The following MDFI variants were observed in gnomAD, a reference collection of about 807,000 sequenced individuals.
MDFI encodes inhibitor of MyoD family a.
MDFI carries 16 observed loss-of-function variants against 22.3 expected under a neutral mutation model. The ratio of observed to expected loss-of-function variants is 0.72; its 90% CI spans 0.49 to 1.09. The LOEUF (loss-of-function observed/expected upper bound fraction) is 1.09. Ranked by LOEUF, MDFI falls within the 50% of genes least tolerant of loss-of-function variation. The pLI is 0.00. For synonymous variants in MDFI, 145 were observed against 142.7 expected (o/e 1.02, Z -0.12); for missense variants, 314 against 326.1 (o/e 0.96, Z 0.29).
intron 2 of MDFI, among the ~76,000 whole-genome samples, chr6:41,644,202 T>A (rs752793814): frequency 7.2e-5 from 11 of 152,128 alleles, no homozygotes; most frequent in Non-Finnish European, 1.6e-4. Context: ...CTATTTGATT[T>A]CCCAATGATT....
chr6:41,653,976 T>C lies in MDFI; in HGVS notation c.*401T>C. ...GCTCTCTACCTCTCCCTGCTCCTGGTGCCTGCCTCTCTCCTCCACCCCAGG... is the reference window on the plus strand; with the variant it reads ...GCTCTCTACCTCTCCCTGCTCCTGGCGCCTGCCTCTCTCCTCCACCCCAGG... On this transcript the variant is annotated 3_prime_UTR_variant, in exon 5 of 5. Transcript: ENST00000230321. The surrounding 1 kb of genome is among the most constrained non-coding windows in gnomAD (Gnocchi z 4.2). 1 of 254,300 alleles carries C rather than the reference T, an allele frequency of 3.9e-6. No homozygotes were observed. Among genetic ancestry groups the C allele is most frequent in the South Asian group, 6.4e-5 (1 of 15,618 alleles). 15.8% of individuals were successfully genotyped at this position (254,300 alleles called of 1,614,324 possible).
chr6:41,646,139 C>G lies in MDFI; in HGVS notation c.90C>G (p.Ser30=), dbSNP rs1301602418. Residue 30 remains serine (S), a synonymous_variant, in exon 3 of 5, where the codon TCC becomes TCG. Coordinates refer to ENST00000230321, the MANE Select transcript of MDFI (RefSeq NM_005586.4). ...CTTTTTTCCTAGCCCAGACCCTATC[C>G]CTCCTTCCTGGGCTGGAGGTAGTAA... ...SAAPGPAQTL[S]LLPGLEVVTG... is the part of the protein sequence containing the mutation. The G allele has an allele frequency of 1.3e-6, 2 of 1,531,112 alleles. No homozygotes were observed. Among genetic ancestry groups the G allele is most frequent in the Admixed American group, 4.3e-5 (2 of 46,478 alleles). The allele number at this position is 1,531,112 out of a possible 1,614,324, so 94.8% of individuals were successfully genotyped here.
chr6:41,640,950 A>G (rs1767832518), intron 2 of MDFI, among the ~76,000 whole-genome samples: 1 of 152,204 alleles, frequency 6.6e-6, no homozygotes, highest in African/African-American at 2.4e-5. Context: ...GAACCTTCAG[A>G]CCTAAAATAA....
Position 41,638,677 on chromosome 6 carries a change from T to G in MDFI, c.-12+25T>G. On this transcript the variant is annotated intron_variant, in intron 1 of 4. Transcript: ENST00000230321. This position sits in a 1 kb window ranked among gnomAD's most constrained non-coding sequence, Gnocchi z 7.6. ...AGTGAGTGGACGTGGGAGGCGCGCA[T>G]CTGCGGGGGAATCGCCCCTTGCCCG... 1 of 1,467,030 alleles carries G rather than the reference T, an allele frequency of 6.8e-7. No individual in the cohort carries two copies. The highest frequency in any genetic ancestry group is 9.2e-7 in the Non-Finnish European group (1 of 1,085,170). The allele number at this position is 1,467,030 out of a possible 1,614,324, so 90.9% of individuals were successfully genotyped here. A position where few individuals can be genotyped will look rare whatever the true frequency, so the allele number is the denominator to read the frequency against.
upstream of MDFI, among the ~76,000 whole-genome samples, chr6:41,637,625 C>T (rs1767684958): frequency 6.6e-6 from 1 of 152,100 alleles, no homozygotes; most frequent in African/African-American, 2.4e-5. The surrounding 1 kb of genome is among the most constrained non-coding windows in gnomAD (Gnocchi z 6.8). Context: ...GCCCCTGAAC[C>T]CTCTTGGACT....
rs1768048201 is a variant in MDFI at position 41,646,243 on chromosome 6, A to G, written c.194A>G (p.Asn65Ser). 2.5e-6 allele frequency: 4 copies of G among 1,582,926 alleles called. No individual in the cohort carries two copies. Among genetic ancestry groups the G allele is most frequent in the South Asian group, 1.2e-5 (1 of 86,450 alleles). ...EEAATPMPQG[N>S]GPGIPQGLDS... Reference sequence around the variant, plus strand: ...GCGGCAACCCCCATGCCCCAAGGCAATGGCCCTGGCATCCCCCAGGGCCTG... The same window carrying G: ...GCGGCAACCCCCATGCCCCAAGGCAGTGGCCCTGGCATCCCCCAGGGCCTG... Residue 65 changes from asparagine to serine, a missense_variant, in exon 3 of 5, where the codon AAT (asparagine) becomes AGT (serine). Coordinates refer to ENST00000230321, the MANE Select transcript of MDFI (RefSeq NM_005586.4).
rs766970297 is a variant in MDFI at position 41,649,684 on chromosome 6, G to T, written c.325G>T (p.Glu109Ter). ...LLPNDSGHPS[E>*]LGGTRRAGNG... Reference sequence around the variant, plus strand: ...GCCGAATGACTCTGGCCACCCCTCAGAGCTGGGCGGCACCAGACGGGCGGG... The same window carrying T: ...GCCGAATGACTCTGGCCACCCCTCATAGCTGGGCGGCACCAGACGGGCGGG... Residue 109 changes from glutamate to a stop codon, truncating the protein, a stop_gained, in exon 4 of 5, where the codon GAG becomes TAG. Transcript: ENST00000230321. LOFTEE classifies it high-confidence loss of function. 6.2e-7 allele frequency: 1 copy of T among 1,613,816 alleles called. No individual in the cohort carries two copies. Among genetic ancestry groups the T allele is most frequent in the Middle Eastern group, 1.7e-4 (1 of 6,056 alleles).
rs958045858 is a variant in MDFI, at chr6:41,653,625, G to A, written c.*50G>A. On this transcript the variant is annotated 3_prime_UTR_variant, in exon 5 of 5. Coordinates refer to ENST00000230321, the MANE Select transcript of MDFI (RefSeq NM_005586.4). This position sits in a 1 kb window ranked among gnomAD's most constrained non-coding sequence, Gnocchi z 4.2. ...CTGGCGCCCCTGCAGATTCCAGCAGGGTCCCTCTGAGTGGGGCCAGGCCCA... is the reference window on the plus strand; with the variant it reads ...CTGGCGCCCCTGCAGATTCCAGCAGAGTCCCTCTGAGTGGGGCCAGGCCCA... 1 of 1,592,244 alleles carries A rather than the reference G, an allele frequency of 6.3e-7. No homozygotes were observed. The highest frequency in any genetic ancestry group is 1.7e-5 in the Admixed American group (1 of 59,802).
intron 4 of MDFI, 128 bp downstream of exon 4, chr6:41,649,971 C>T (rs1017523887): frequency 2.4e-5 from 19 of 788,470 alleles, no homozygotes; most frequent in African/African-American, 1.7e-4. Flanking sequence ...CAGCCTCCTT[C>T]CACGCCTACT....
Position 41,653,466 on chromosome 6 carries a change from A to ACTGCGACCTGCC in MDFI, c.643_654dup (p.Pro215_Leu218dup). 3.7e-6 allele frequency: 6 copies of ACTGCGACCTGCC among 1,604,238 alleles called. No homozygotes were observed. Among genetic ancestry groups the ACTGCGACCTGCC allele is most frequent in the Non-Finnish European group, 5.1e-6 (6 of 1,179,946 alleles). On this transcript the variant is annotated inframe_insertion, in exon 5 of 5. Transcript: ENST00000230321. This position sits in a 1 kb window ranked among gnomAD's most constrained non-coding sequence, Gnocchi z 4.2. ...TGCTGTGGCTCTGGCGAGTGTGCCG[A>ACTGCGACCTGCC]CTGCGACCTGCCCTGCGACCTGGAC... is the stretch of plus-strand genomic sequence containing the variant.
At position 41,653,680 on chromosome 6, in the gene MDFI, CT is replaced by C; in HGVS notation, c.*106del. 7.0e-7 allele frequency: 1 copy of C among 1,436,702 alleles called. No homozygotes were observed. Among genetic ancestry groups the C allele is most frequent in the South Asian group, 1.3e-5 (1 of 78,298 alleles). 89.0% of individuals were successfully genotyped at this position (1,436,702 alleles called of 1,614,324 possible). On this transcript the variant is annotated 3_prime_UTR_variant, in exon 5 of 5. Coordinates refer to ENST00000230321, the MANE Select transcript of MDFI (RefSeq NM_005586.4). This position sits in a 1 kb window ranked among gnomAD's most constrained non-coding sequence, Gnocchi z 4.2. Reference sequence around the variant, plus strand: ...TGTCACACAAGGCTTGAGAAGCCCCCTCTCCCTGGTCCTCTCCTACCCACCC... The same window carrying C: ...TGTCACACAAGGCTTGAGAAGCCCCCCTCCCTGGTCCTCTCCTACCCACCC...
At chr6:41,652,608 C>CT (rs3050047) in intron 4 of MDFI, among the ~76,000 whole-genome samples, 11,000 of 84,202 alleles carry the variant, frequency 0.13, 1,232 homozygotes, top group Middle Eastern at 0.2. Context: ...CTCTCCCTCT[C>CT]TTTTTTTTTT....
intron 2 of MDFI, among the ~76,000 whole-genome samples, chr6:41,644,825 G>C (rs1229825410): frequency 1.3e-5 from 2 of 150,736 alleles, no homozygotes; most frequent in African/African-American, 4.9e-5. Flanking sequence ...CTGTGTCTCT[G>C]TCTCTGCATG....
At position 41,638,700 on chromosome 6, in the gene MDFI, C is replaced by A. The variant is rs149343216; in HGVS notation, c.-11-39C>A. The A allele has an allele frequency of 5.9e-6, 9 of 1,534,058 alleles. No homozygotes were observed. The highest frequency in any genetic ancestry group is 2.7e-5 in the African/African-American group (2 of 72,774). Reference sequence around the variant, plus strand: ...CATCTGCGGGGGAATCGCCCCTTGCCCGCCTCCGGCGCCGCCCGCTGAGCC... The same window carrying A: ...CATCTGCGGGGGAATCGCCCCTTGCACGCCTCCGGCGCCGCCCGCTGAGCC... On this transcript the variant is annotated intron_variant, in intron 1 of 4. Coordinates refer to ENST00000230321, the MANE Select transcript of MDFI (RefSeq NM_005586.4). This position sits in a 1 kb window ranked among gnomAD's most constrained non-coding sequence, Gnocchi z 7.6.
In MDFI at chr6:41,638,683, G is replaced by A. The variant is rs931118288; in HGVS notation, c.-12+31G>A. 8.0e-6 allele frequency: 12 copies of A among 1,499,958 alleles called. No homozygotes were observed. Among genetic ancestry groups the A allele is most frequent in the South Asian group, 1.2e-5 (1 of 82,906 alleles). The allele number at this position is 1,499,958 out of a possible 1,614,324, so 92.9% of individuals were successfully genotyped here. A position where few individuals can be genotyped will look rare whatever the true frequency, so the allele number is the denominator to read the frequency against. ...TGGACGTGGGAGGCGCGCATCTGCGGGGGAATCGCCCCTTGCCCGCCTCCG... is the reference window on the plus strand; with the variant it reads ...TGGACGTGGGAGGCGCGCATCTGCGAGGGAATCGCCCCTTGCCCGCCTCCG... On this transcript the variant is annotated intron_variant, in intron 1 of 4. Coordinates refer to ENST00000230321, the MANE Select transcript of MDFI (RefSeq NM_005586.4). The surrounding 1 kb of genome is among the most constrained non-coding windows in gnomAD (Gnocchi z 7.6).
At chr6:41,649,982 G>C in intron 4 of MDFI, 139 bp downstream of exon 4, 1 of 739,368 alleles carries the variant, frequency 1.4e-6, no homozygotes, top group Non-Finnish European at 2.2e-6. Flanking sequence ...CACGCCTACT[G>C]GATTGGAATC....
intron 2 of MDFI, among the ~76,000 whole-genome samples, chr6:41,640,389 G>T (rs758869250): frequency 6.6e-6 from 1 of 152,172 alleles, no homozygotes; most frequent in African/African-American, 2.4e-5. Flanking sequence ...CACACAACCG[G>T]GGCCAGCGTG....
At chr6:41,649,980 C>G (rs766772708) in intron 4 of MDFI, 137 bp downstream of exon 4, 36 of 747,562 alleles carry the variant, frequency 4.8e-5, no homozygotes, top group Non-Finnish European at 7.1e-5. Flanking sequence ...TCCACGCCTA[C>G]TGGATTGGAA....
Position 41,649,775 on chromosome 6 carries a change from A to G in MDFI, c.416A>G (p.Gln139Arg). The G allele has an allele frequency of 4.3e-6, 7 of 1,614,110 alleles. No individual in the cohort carries two copies. Among genetic ancestry groups the G allele is most frequent in the Non-Finnish European group, 5.9e-6 (7 of 1,180,006 alleles). ...CAGACACACCCATCTCTCGCCAGCC[A>G]GGGCAGCAAGAAGAGTAAGAGCAGC... is the stretch of plus-strand genomic sequence containing the variant. ...KLQTHPSLAS[Q>R]GSKKSKSSSK... Residue 139 changes from glutamine to arginine, a missense_variant, in exon 4 of 5, where the codon CAG (glutamine) becomes CGG (arginine). Transcript: ENST00000230321.
Sources: allele counts gnomAD v4.1 joint callset (sites outside exome capture counted in the v4.1 genomes callset), GRCh38; gene constraint gnomAD v4.1.1; non-coding constraint Gnocchi (gnomAD v3.1); transcripts MANE v1.5; gene names NCBI Gene and HGNC (gene_info 2026-07-23, HGNC 2026-07-21).